The following NOTCH3 variants were observed in gnomAD, a reference collection of about 807,000 sequenced individuals.
NOTCH3 encodes neurogenic locus notch homolog protein 3.
In NOTCH3, 86 loss-of-function variants were observed where a neutral mutation model predicts 213.3. The ratio of observed to expected loss-of-function variants is 0.40; its 90% CI spans 0.34 to 0.48. The LOEUF (loss-of-function observed/expected upper bound fraction) is 0.48, where lower values mean the gene tolerates loss of function less well. Among genes scored for constraint, NOTCH3 ranks in the 20% least tolerant of loss-of-function variants. The pLI, the probability that NOTCH3 is intolerant of heterozygous loss-of-function variation, is 0.57. For missense variants in NOTCH3, 2,783 were observed against 3,272.6 expected (o/e 0.85, Z 3.65); for synonymous variants, 1,354 against 1,355.9 (o/e 1.00, Z 0.03).
At chr19:15,197,451 C>G (rs545180700) in intron 2 of NOTCH3, 49 bp downstream of exon 2, 5 of 917,658 alleles carry the variant, frequency 5.4e-6, no homozygotes, top group African/African-American at 1.6e-5. Flanking sequence ...GCCCCTCCCC[C>G]CCGCCCCCAC....
intron 24 of NOTCH3, 32 bp downstream of exon 24, chr19:15,177,493 G>A (rs2145414158): frequency 6.3e-7 from 1 of 1,587,950 alleles, no homozygotes; most frequent in Admixed American, 1.7e-5. Flanking sequence ...TGGATGCATA[G>A]ACAGACGGAT....
Position 15,181,692 on chromosome 19 carries a change from C to G in NOTCH3, c.2676G>C (p.Leu892=). Residue 892 remains leucine (L), a synonymous_variant, in exon 17 of 33, where the codon CTG becomes CTC. Coordinates refer to ENST00000263388, the MANE Select transcript of NOTCH3 (RefSeq NM_000435.3). Reference sequence around the variant, plus strand: ...AGGTGCCCGGGCCGCAGGGGTTGCTCAGGCACTCATCCACATCGCGGGCGC... The same window carrying G: ...AGGTGCCCGGGCCGCAGGGGTTGCTGAGGCACTCATCCACATCGCGGGCGC... ...PRCARDVDEC[L]SNPCGPGTCT... is the part of the protein sequence containing the mutation. 6.4e-7 allele frequency: 1 copy of G among 1,562,574 alleles called. No individual in the cohort carries two copies. Among genetic ancestry groups the G allele is most frequent in the East Asian group, 2.4e-5 (1 of 41,986 alleles).
At position 15,189,411 on chromosome 19, in the gene NOTCH3, C is replaced by G. The variant is rs2046910766; in HGVS notation, c.1054G>C (p.Asp352His). 1.2e-6 allele frequency: 2 copies of G among 1,613,818 alleles called. No homozygotes were observed. Among genetic ancestry groups the G allele is most frequent in the East Asian group, 4.5e-5 (2 of 44,884 alleles). The part of the protein sequence containing the change: ...MGKTGLLCHL[D>H]DACVSNPCHE... ...CAGGGGTTGCTGACACAGGCGTCAT[C>G]CAGGTGACACAGGAGGCCTGGGAAG... Residue 352 changes from aspartate to histidine, a missense_variant, in exon 7 of 33, where the codon GAT becomes CAT. Transcript: ENST00000263388.
chr19:15,199,580 C>G (rs2145454870), intron 1 of NOTCH3, among the ~76,000 whole-genome samples: 1 of 152,280 alleles, frequency 6.6e-6, no homozygotes, highest in East Asian at 1.9e-4. Context: ...TGTGTGCGTG[C>G]AGCTGGGTGT....
rs142787620 is a variant in NOTCH3 at position 15,187,185 on chromosome 19, C to T, written c.1760G>A (p.Arg587His). 1.0e-4 allele frequency: 166 copies of T among 1,613,944 alleles called. No homozygotes were observed. The highest frequency in any genetic ancestry group is 2.0e-4 in the African/African-American group (15 of 74,946). The change falls in exon 11 of 33, where the codon CGC becomes CAC. Residue 587 changes from arginine to histidine, a missense_variant. Arg to His is a conservative substitution (Grantham distance 29, BLOSUM62 0). Transcript: ENST00000263388. ...TRCESQVDEC[R>H]SQPCRHGGKC... Reference sequence around the variant, plus strand: ...GCCGCCATGGCGGCAGGGCTGGCTGCGGCATTCGTCCACCTGGCTCTCGCA... The same window carrying T: ...GCCGCCATGGCGGCAGGGCTGGCTGTGGCATTCGTCCACCTGGCTCTCGCA...
intron 23 of NOTCH3, 140 bp from the exon 24 acceptor site, chr19:15,178,230 G>C (rs1377253166): frequency 3.4e-6 from 2 of 584,562 alleles, no homozygotes; most frequent in South Asian, 4.3e-5. Context: ...AAGGAAGGTT[G>C]AGACCCCCTC....
At chr19:15,190,117 T>C (rs2046916150) in intron 6 of NOTCH3, among the ~76,000 whole-genome samples, 1 of 150,552 alleles carries the variant, frequency 6.6e-6, no homozygotes, top group Non-Finnish European at 1.5e-5. Flanking sequence ...CTACAAAAAA[T>C]ACAAAGCTTA....
Position 15,178,816 on chromosome 19 carries a change from C to G in NOTCH3, c.3837+7G>C. ...CTCCTCCTCCAAAGGCCGCCACCCA[C>G]ACCTACCTGGGCACAGTGACAGGTG... is the stretch of plus-strand genomic sequence containing the variant. On this transcript the variant is annotated splice_region_variant and intron_variant, in intron 23 of 32. Transcript: ENST00000263388. 1 of 1,586,594 alleles carries G rather than the reference C, an allele frequency of 6.3e-7. No individual in the cohort carries two copies. Among genetic ancestry groups the G allele is most frequent in the East Asian group, 2.3e-5 (1 of 43,854 alleles).
chr19:15,165,458 C>T lies in NOTCH3; in HGVS notation c.5725G>A (p.Ala1909Thr), dbSNP rs374743270. Residue 1909 changes from alanine (A) to threonine (T), a missense_variant, in exon 31 of 33, where the codon GCA (alanine) becomes ACA (threonine). Ala to Thr is a moderately conservative substitution (Grantham distance 58). Around this residue, in one of 6 missense-constraint regions of NOTCH3, gnomAD observed 636 missense variants for 801.8 expected, o/e 0.79. Coordinates refer to ENST00000263388, the MANE Select transcript of NOTCH3 (RefSeq NM_000435.3). This position sits in a 1 kb window ranked among gnomAD's most constrained non-coding sequence, Gnocchi z 4.7. ...GCCAGGCGGGCCGCCAGGATCAGTG[C>T]CGTTGAGCCATCTGCCATGCGGGCA... ...LDARMADGSTALILAARLAVE... is the reference protein window; with the variant it reads ...LDARMADGSTTLILAARLAVE... 3.1e-6 allele frequency: 5 copies of T among 1,612,728 alleles called. No individual in the cohort carries two copies. Among genetic ancestry groups the T allele is most frequent in the Admixed American group, 3.3e-5 (2 of 60,010 alleles).
At position 15,179,659 on chromosome 19, in the gene NOTCH3, A is replaced by C. The variant is rs891438124; in HGVS notation, c.3328-163T>G. 4.2e-6 allele frequency: 3 copies of C among 718,884 alleles called. No individual in the cohort carries two copies. In the African/African-American group the frequency reaches 5.2e-5, roughly 13 times the overall value. The allele number at this position is 718,884 out of a possible 1,614,324, so 44.5% of individuals were successfully genotyped here. On this transcript the variant is annotated intron_variant, in intron 20 of 32. Transcript: ENST00000263388. ...CACTTTGGGAGGCCGAGGTGGGCAG[A>C]TCACCTGAGATCAGGAGTTCGAGAC...
chr19:15,192,609 G>C (rs1181294185), intron 2 of NOTCH3, 90 bp from the exon 3 acceptor site: 3 of 1,500,958 alleles, frequency 2.0e-6, no homozygotes, highest in African/African-American at 2.8e-5. Flanking sequence ...AACACGCAGG[G>C]AAACAGAGCA....
intron 17 of NOTCH3, 107 bp from the exon 18 acceptor site, chr19:15,181,269 C>A: frequency 9.7e-7 from 1 of 1,033,424 alleles, no homozygotes; most frequent in Non-Finnish European, 1.5e-6. Flanking sequence ...CTCCCTGACC[C>A]TTATCTCGGC....
intron 28 of NOTCH3, among the ~76,000 whole-genome samples, chr19:15,169,229 T>TCTCTCTCTCC (rs1448075553): frequency 1.5e-5 from 2 of 131,564 alleles, no homozygotes; most frequent in Admixed American, 1.5e-4. Context: ...TCTCTCTCTC[T>TCTCTCTCTCC]CCCCTCTGTG....
rs148042678 is a variant in NOTCH3 at position 15,174,514 on chromosome 19, G to C, written c.4404-114C>G. 7.5e-4 allele frequency: 592 copies of C among 784,198 alleles called. 2 individuals carry two copies. The African/African-American group carries it at 9.3e-3, about 12-fold the overall frequency. The allele number at this position is 784,198 out of a possible 1,614,324, so 48.6% of individuals were successfully genotyped here. ...GACTCCAGACAAGGCTTGCACAGGG[G>C]ACTGGAATATACGGACCCATGCCAG... On this transcript the variant is annotated intron_variant, in intron 24 of 32. Transcript: ENST00000263388.
intron 20 of NOTCH3, 28 bp from the exon 21 acceptor site, chr19:15,179,524 T>C: frequency 1.9e-6 from 3 of 1,612,752 alleles, no homozygotes; most frequent in Non-Finnish European, 2.5e-6. Flanking sequence ...AGGGACCCAC[T>C]CAGCTTAGTG....
intron 29 of NOTCH3, 123 bp from the exon 30 acceptor site, chr19:15,166,214 CTGTCTG>C: frequency 2.4e-6 from 2 of 830,020 alleles, no homozygotes; most frequent in Non-Finnish European, 4.0e-6. Context: ...GCAGATCCTC[CTGTCTG>C]CACACCCACA....
At chr19:15,170,290 G>A in intron 27 of NOTCH3, 41 bp downstream of exon 27, 1 of 1,574,516 alleles carries the variant, frequency 6.4e-7, no homozygotes, top group African/African-American at 1.3e-5. Context: ...GGGTTCACAA[G>A]GTCCCCGTAG....
intron 2 of NOTCH3, among the ~76,000 whole-genome samples, chr19:15,193,779 AC>A (rs149524516): frequency 0.61 from 58,594 of 96,760 alleles, 21,129 homozygotes; most frequent in Non-Finnish European, 0.7. Flanking sequence ...TCAAAAAAAA[AC>A]AAAAAACAAA....
Position 15,180,226 on chromosome 19 carries a change from CCCG to C in NOTCH3, c.3170_3172del (p.Ala1057del). 1 of 1,613,814 alleles carries C rather than the reference CCCG, an allele frequency of 6.2e-7. No homozygotes were observed. The highest frequency in any genetic ancestry group is 8.5e-7 in the Non-Finnish European group (1 of 1,180,014). On this transcript the variant is annotated inframe_deletion, in exon 20 of 33. Transcript: ENST00000263388. ...GCTGTCTTCATCCACACACTGCCCA[CCCG>C]CCTGACACAGCTGCTCCAGCCGCAC... is the stretch of plus-strand genomic sequence containing the variant.
Sources: gnomAD v4.1 joint callset for allele counts (sites outside exome capture counted in the v4.1 genomes callset) on GRCh38, gnomAD v4.1.1 for gene constraint, gnomAD v4.1.1 regional missense constraint, Gnocchi (gnomAD v3.1) non-coding constraint, MANE v1.5 for transcripts, NCBI Gene and HGNC (gene_info 2026-07-23, HGNC 2026-07-21) for gene names.